Variants in ANKRD50 observed in about 807,000 individuals in gnomAD.
ANKRD50 encodes the protein ankyrin repeat domain-containing protein 50.
ANKRD50 carries 40 observed loss-of-function variants against 112.0 expected under a neutral mutation model. The ratio of observed to expected loss-of-function variants is 0.36; its 90% CI spans 0.28 to 0.46. The LOEUF (loss-of-function observed/expected upper bound fraction) is 0.46. Ranked by LOEUF, ANKRD50 falls within the 20% of genes least tolerant of loss-of-function variation. The pLI is 1.00. For missense variants in ANKRD50, 1,487 were observed against 1,701.7 expected (o/e 0.87, Z 2.22); for synonymous variants, 613 against 619.1 (o/e 0.99, Z 0.15).
rs765543961 is a variant in ANKRD50 at position 124,670,348 on chromosome 4, C to T, written c.2929G>A (p.Ala977Thr). The change falls in exon 4 of 5, where the codon GCT (alanine) becomes ACT (threonine). Residue 977 changes from alanine to threonine, a missense_variant. Around this residue, in one of 2 missense-constraint regions of ANKRD50, gnomAD observed 1,046 missense variants for 1,269.5 expected, o/e 0.82. Coordinates refer to ENST00000504087, the MANE Select transcript of ANKRD50 (RefSeq NM_020337.3). ...ACATGAAGTGCTGTCCTTCCTTCAG[C>T]ATCACTTGCTTCTACGTTTGCACCA... ...ENGANVEASDAEGRTALHVSC... is the reference protein window; with the variant it reads ...ENGANVEASDTEGRTALHVSC... The T allele has an allele frequency of 2.5e-6, 4 of 1,613,970 alleles. No individual in the cohort carries two copies. The highest frequency in any genetic ancestry group is 3.4e-6 in the Non-Finnish European group (4 of 1,179,914).
In ANKRD50 at chr4:124,697,470, T is replaced by G. The variant is rs143405974; in HGVS notation, c.512+12530A>C. ...GTAGATTAATATGTTTCTCTTTAGA[T>G]TAGATCTCCAGGGAATTGATTAGTT... On this transcript the variant is annotated intron_variant, in intron 2 of 4. Transcript: ENST00000504087. Among the ~76,000 whole-genome samples, 14 of 152,276 alleles carry G rather than the reference T, an allele frequency of 9.2e-5. No homozygotes were observed. In the East Asian group the frequency reaches 1.9e-3, roughly 21 times the overall value.
chr4:124,678,356 C>T (rs1013926425), intron 3 of ANKRD50, among the ~76,000 whole-genome samples: 11 of 151,876 alleles, frequency 7.2e-5, no homozygotes, highest in Admixed American at 2.0e-4. Flanking sequence ...AGACTGTAAT[C>T]TCAAACATCA....
In ANKRD50 at chr4:124,710,605, G is replaced by A. The variant is rs1725608257; in HGVS notation, c.-94C>T. On this transcript the variant is annotated 5_prime_UTR_variant, in exon 2 of 5. Transcript: ENST00000504087. ...ATAACTTGTATATTAAGTTGACTCT[G>A]AAGACAGAGTAACTAGTTACAGTAA... 3 of 1,390,962 alleles carry A rather than the reference G, an allele frequency of 2.2e-6. No individual in the cohort carries two copies. The highest frequency in any genetic ancestry group is 2.9e-6 in the Non-Finnish European group (3 of 1,029,496). 86.2% of individuals were successfully genotyped at this position (1,390,962 alleles called of 1,614,324 possible).
chr4:124,700,172 G>A (rs1290893694), intron 2 of ANKRD50, among the ~76,000 whole-genome samples: 1 of 152,144 alleles, frequency 6.6e-6, no homozygotes, highest in Admixed American at 6.5e-5. Flanking sequence ...AATGAAAATA[G>A]GGCAAATAGC....
At chr4:124,694,814 T>C (rs1175617820) in intron 2 of ANKRD50, among the ~76,000 whole-genome samples, 1 of 151,976 alleles carries the variant, frequency 6.6e-6, no homozygotes, top group African/African-American at 2.4e-5. Context: ...TGGGGAATGG[T>C]GGAGGCAATC....
At chr4:124,688,506 T>C (rs574174572) in intron 2 of ANKRD50, among the ~76,000 whole-genome samples, 7 of 152,282 alleles carry the variant, frequency 4.6e-5, no homozygotes, top group African/African-American at 7.2e-5. Flanking sequence ...AATTTTACTG[T>C]ATGAAAAATG....
chr4:124,708,771 C>A (rs1725563559), intron 2 of ANKRD50, among the ~76,000 whole-genome samples: 1 of 149,238 alleles, frequency 6.7e-6, no homozygotes, highest in African/African-American at 2.5e-5. Context: ...TAGTCTGTAA[C>A]CTTGAACAAT....
At chr4:124,704,329 CA>C (rs1725458031) in intron 2 of ANKRD50, among the ~76,000 whole-genome samples, 2 of 152,278 alleles carry the variant, frequency 1.3e-5, no homozygotes, top group East Asian at 1.9e-4. Context: ...GCCTTGAAAA[CA>C]TACAAGTGAG....
At chr4:124,702,661 G>A (rs1344254405) in intron 2 of ANKRD50, among the ~76,000 whole-genome samples, 2 of 152,162 alleles carry the variant, frequency 1.3e-5, no homozygotes, top group African/African-American at 4.8e-5. Context: ...TCCCAGACTT[G>A]TAGATAATAA....
chr4:124,666,494 T>G lies in ANKRD50; in HGVS notation c.*1024A>C, dbSNP rs1429206976. 1 of 152,394 alleles carries G rather than the reference T, an allele frequency of 6.6e-6. No individual in the cohort carries two copies. The highest frequency in any genetic ancestry group is 1.5e-5 in the Non-Finnish European group (1 of 67,946). The allele number at this position is 152,394 out of a possible 1,614,324, so 9.4% of individuals were successfully genotyped here. On this transcript the variant is annotated 3_prime_UTR_variant, in exon 5 of 5. Transcript: ENST00000504087. ...ACCATTAAAATTAATCCAATTGATTTTGAGTGGGGCTATTTTGGTCATGCA... is the reference window on the plus strand; with the variant it reads ...ACCATTAAAATTAATCCAATTGATTGTGAGTGGGGCTATTTTGGTCATGCA...
intron 1 of ANKRD50, among the ~76,000 whole-genome samples, chr4:124,711,968 G>A (rs570084718): frequency 2.5e-4 from 38 of 152,200 alleles, no homozygotes; most frequent in African/African-American, 7.7e-4. Context: ...GGTGCTGGTG[G>A]GTGTCTGCCC....
chr4:124,670,047 A>G lies in ANKRD50; in HGVS notation c.3230T>C (p.Phe1077Ser), dbSNP rs906651612. ...HGADPNHADQ[F>S]GRTAMRVAAK... The stretch of plus-strand genomic sequence containing the variant: ...TGCAACACGCATAGCAGTGCGTCCA[A>G]ATTGATCAGCATGGTTTGGATCAGC... The change falls in exon 4 of 5, where the codon TTT (phenylalanine) becomes TCT (serine). Residue 1077 changes from phenylalanine to serine, a missense_variant. Coordinates refer to ENST00000504087, the MANE Select transcript of ANKRD50 (RefSeq NM_020337.3). The G allele has an allele frequency of 8.7e-6, 14 of 1,611,540 alleles. No homozygotes were observed. Among genetic ancestry groups the G allele is most frequent in the Non-Finnish European group, 1.1e-5 (13 of 1,179,416 alleles).
At chr4:124,688,360 A>T (rs1348151434) in intron 2 of ANKRD50, among the ~76,000 whole-genome samples, 1 of 152,210 alleles carries the variant, frequency 6.6e-6, no homozygotes, top group Non-Finnish European at 1.5e-5. Context: ...CATAGGTTGG[A>T]GTGGGGGAAG....
chr4:124,672,604 G>T, intron 3 of ANKRD50, 70 bp from the exon 4 acceptor site: 1 of 1,060,588 alleles, frequency 9.4e-7, no homozygotes, highest in Non-Finnish European at 1.3e-6. Flanking sequence ...TCTTCAAAGA[G>T]AATGTCAACA....
chr4:124,688,166 C>A (rs1273495664), intron 2 of ANKRD50, among the ~76,000 whole-genome samples: 6 of 152,060 alleles, frequency 3.9e-5, no homozygotes, highest in Non-Finnish European at 7.4e-5. Context: ...ATCACTCAGT[C>A]ATAAGAGAAA....
At chr4:124,712,019 C>A (rs953741911) in intron 1 of ANKRD50, among the ~76,000 whole-genome samples, 10 of 152,064 alleles carry the variant, frequency 6.6e-5, no homozygotes, top group Non-Finnish European at 1.5e-4. Context: ...ACAAAAGGAA[C>A]TCCGGGATTC....
At position 124,666,619 on chromosome 4, in the gene ANKRD50, C is replaced by CA. The variant is rs1418239364; in HGVS notation, c.*898dup. ...TTTAGTCAATGAATTATTCAGGGAT[C>CA]AAAAATCTACCCTTAGATAGACAGG... On this transcript the variant is annotated 3_prime_UTR_variant, in exon 5 of 5. Transcript: ENST00000504087. 1 of 152,332 alleles carries CA rather than the reference C, an allele frequency of 6.6e-6. No homozygotes were observed. The highest frequency in any genetic ancestry group is 1.5e-5 in the Non-Finnish European group (1 of 67,918). 9.4% of individuals were successfully genotyped at this position (152,332 alleles called of 1,614,324 possible).
At position 124,671,114 on chromosome 4, in the gene ANKRD50, C is replaced by T. The variant is rs200296723; in HGVS notation, c.2163G>A (p.Val721=). 2 of 1,613,826 alleles carry T rather than the reference C, an allele frequency of 1.2e-6. No individual in the cohort carries two copies. The highest frequency in any genetic ancestry group is 1.7e-6 in the Non-Finnish European group (2 of 1,179,850). Residue 721 remains valine, a synonymous_variant, in exon 4 of 5, where the codon GTG becomes GTA. Coordinates refer to ENST00000504087, the MANE Select transcript of ANKRD50 (RefSeq NM_020337.3). ...RTALSVAALC[V]PASKGHASVV... ...CTGATGCGTGCCCTTTACTTGCAGG[C>T]ACACAAAGTGCAGCTACAGAGAGTG...
chr4:124,672,758 C>T (rs1204584007), intron 3 of ANKRD50, among the ~76,000 whole-genome samples: 7 of 152,006 alleles, frequency 4.6e-5, no homozygotes, highest in Non-Finnish European at 7.4e-5. Context: ...AATTGAACTA[C>T]TTATTCCTTT....
Sources: gnomAD v4.1 joint callset for allele counts (sites outside exome capture counted in the v4.1 genomes callset) on GRCh38, gnomAD v4.1.1 for gene constraint, gnomAD v4.1.1 regional missense constraint, MANE v1.5 for transcripts, NCBI Gene and HGNC (gene_info 2026-07-23, HGNC 2026-07-21) for gene names.